EFNA5: variants seen among roughly 807,000 people sequenced by gnomAD.
EFNA5 encodes the protein ephrin-A5.
A neutral mutation model predicts 22.9 loss-of-function variants in EFNA5; 5 were observed. The observed-to-expected ratio is 0.22, with a 90% CI of 0.11 to 0.46. The LOEUF (loss-of-function observed/expected upper bound fraction) is 0.46, where lower values mean the gene tolerates loss of function less well. Ranked by LOEUF, EFNA5 falls within the 20% of genes least tolerant of loss-of-function variation. EFNA5 has a pLI of 0.99. For synonymous variants in EFNA5, 113 were observed against 112.2 expected, an observed-to-expected ratio of 1.01 and a Z score of -0.04; for missense variants, 237 against 293.3, an observed-to-expected ratio of 0.81 and a Z score of 1.40.
chr5:107,384,768 ATTTTTT>A (rs61305329), intron 4 of EFNA5, among the ~76,000 whole-genome samples: 5 of 92,802 alleles, frequency 5.4e-5, no homozygotes, highest in African/African-American at 1.2e-4. Flanking sequence ...CACACACCAC[ATTTTTT>A]TTTTTTTTTT....
At chr5:107,668,746 A>C (rs373788366) in intron 1 of EFNA5, among the ~76,000 whole-genome samples, 1 of 152,188 alleles carries the variant, frequency 6.6e-6, no homozygotes, top group African/African-American at 2.4e-5. Flanking sequence ...CAAACGGGGA[A>C]AAAAAACTAA....
intron 1 of EFNA5, among the ~76,000 whole-genome samples, chr5:107,467,645 C>G (rs576399988): frequency 3.3e-5 from 5 of 152,306 alleles, no homozygotes; most frequent in African/African-American, 1.2e-4. Context: ...AATCCGGTCT[C>G]ACAGCCTGTT....
At chr5:107,588,361 T>A (rs548546193) in intron 1 of EFNA5, among the ~76,000 whole-genome samples, 1 of 152,242 alleles carries the variant, frequency 6.6e-6, no homozygotes, top group South Asian at 2.1e-4. Context: ...GAGGATCTTC[T>A]CATGATTTTT....
At chr5:107,629,538 A>G (rs889270366) in intron 1 of EFNA5, among the ~76,000 whole-genome samples, 3 of 152,164 alleles carry the variant, frequency 2.0e-5, no homozygotes, top group Admixed American at 6.5e-5. Flanking sequence ...AGGTTCATCA[A>G]TTGTAACAAA....
chr5:107,581,579 C>T (rs1253340435), intron 1 of EFNA5, among the ~76,000 whole-genome samples: 1 of 152,218 alleles, frequency 6.6e-6, no homozygotes, highest in Non-Finnish European at 1.5e-5. Context: ...CTGCTAGAGC[C>T]TTCACCGCCA....
At chr5:107,602,520 A>T (rs541203548) in intron 1 of EFNA5, among the ~76,000 whole-genome samples, 1 of 152,298 alleles carries the variant, frequency 6.6e-6, no homozygotes, top group East Asian at 1.9e-4. Flanking sequence ...TCAGGAACAA[A>T]ACAAACGAAC....
chr5:107,535,385 T>C (rs1747910008), intron 1 of EFNA5, among the ~76,000 whole-genome samples: 1 of 152,140 alleles, frequency 6.6e-6, no homozygotes, highest in African/African-American at 2.4e-5. Context: ...TTCCAAATAA[T>C]CTTCCTCCAA....
chr5:107,668,931 C>T (rs116516346), intron 1 of EFNA5, among the ~76,000 whole-genome samples: 1 of 152,124 alleles, frequency 6.6e-6, no homozygotes, highest in East Asian at 1.9e-4. Flanking sequence ...CACCACCCAC[C>T]TCCAGGAGAC....
rs145717320 is a variant in EFNA5, at chr5:107,500,194, T to G, written c.126-72685A>C. Among the ~76,000 whole-genome samples, 20 of 152,348 alleles carry G rather than the reference T, an allele frequency of 1.3e-4. No individual in the cohort carries two copies. In the East Asian group the frequency reaches 3.7e-3, roughly 28 times the overall value. ...GCAATATAATATCTCCAACTATAAG[T>G]TGATCATTAGTAATTATTTGTTCCC... On this transcript the variant is annotated intron_variant, in intron 1 of 4. Coordinates refer to ENST00000333274, the MANE Select transcript of EFNA5 (RefSeq NM_001962.3).
intron 1 of EFNA5, among the ~76,000 whole-genome samples, chr5:107,466,429 C>T (rs891166691): frequency 1.5e-4 from 23 of 152,234 alleles, no homozygotes; most frequent in African/African-American, 5.1e-4. Context: ...CTCTCCCAGA[C>T]TCCCTTCTCC....
chr5:107,643,893 T>C (rs1561458164), intron 1 of EFNA5, among the ~76,000 whole-genome samples: 1 of 151,464 alleles, frequency 6.6e-6, no homozygotes. Flanking sequence ...ATAATAATAA[T>C]AATAATAAAG....
intron 1 of EFNA5, among the ~76,000 whole-genome samples, chr5:107,446,033 C>T (rs537013034): frequency 1.3e-5 from 2 of 152,266 alleles, no homozygotes; most frequent in African/African-American, 2.4e-5. Flanking sequence ...TGCCTATCTT[C>T]GAATCTGGGC....
chr5:107,461,839 T>G (rs1749844099), intron 1 of EFNA5, among the ~76,000 whole-genome samples: 1 of 152,168 alleles, frequency 6.6e-6, no homozygotes, highest in Admixed American at 6.6e-5. Context: ...GCATCTGTAA[T>G]TTATTCACTG....
At chr5:107,597,426 A>T (rs1749494812) in intron 1 of EFNA5, among the ~76,000 whole-genome samples, 1 of 152,186 alleles carries the variant, frequency 6.6e-6, no homozygotes. Flanking sequence ...TTCCACTGGC[A>T]CTGACCCATC....
intron 1 of EFNA5, among the ~76,000 whole-genome samples, chr5:107,569,144 C>G (rs1230606713): frequency 6.6e-6 from 1 of 151,864 alleles, no homozygotes; most frequent in Non-Finnish European, 1.5e-5. Flanking sequence ...ATCCAGGAAA[C>G]AAGAATCTGG....
chr5:107,472,700 T>A lies in EFNA5; in HGVS notation c.126-45191A>T, dbSNP rs1750171445. Among the ~76,000 whole-genome samples, 3 of 152,282 alleles carry A rather than the reference T, an allele frequency of 2.0e-5. No individual in the cohort carries two copies. In the South Asian group the frequency reaches 6.2e-4, roughly 32 times the overall value. On this transcript the variant is annotated intron_variant, in intron 1 of 4. Transcript: ENST00000333274. ...ATCCCATGGACCTGTCTCAATCAAGTTAATTAGAGACATCTGCAGCACAGA... is the reference window on the plus strand; with the variant it reads ...ATCCCATGGACCTGTCTCAATCAAGATAATTAGAGACATCTGCAGCACAGA...
intron 1 of EFNA5, among the ~76,000 whole-genome samples, chr5:107,498,334 C>T (rs1209875254): frequency 6.6e-6 from 1 of 152,180 alleles, no homozygotes; most frequent in Non-Finnish European, 1.5e-5. Flanking sequence ...ATATTTATTT[C>T]ATTCTTACTA....
At chr5:107,386,148 CAAAAAAAAAAAAA>C (rs33964723) in intron 4 of EFNA5, among the ~76,000 whole-genome samples, 1 of 79,492 alleles carries the variant, frequency 1.3e-5, no homozygotes, top group African/African-American at 5.1e-5. Context: ...AGAAATTCTA[CAAAAAAAAAAAAA>C]AAAAAAAAAA....
chr5:107,561,540 T>C (rs1296795276), intron 1 of EFNA5, among the ~76,000 whole-genome samples: 1 of 152,104 alleles, frequency 6.6e-6, no homozygotes, highest in Non-Finnish European at 1.5e-5. Flanking sequence ...GGCTAATATT[T>C]TGTATTTTTA....
Sources: allele counts gnomAD v4.1 joint callset (sites outside exome capture counted in the v4.1 genomes callset), GRCh38; gene constraint gnomAD v4.1.1; transcripts MANE v1.5; gene names NCBI Gene and HGNC (gene_info 2026-07-23, HGNC 2026-07-21).